RPS6KA6: variants seen among roughly 807,000 people sequenced by gnomAD.
The protein encoded by RPS6KA6 is ribosomal protein S6 kinase A6, also known as ribosomal protein S6 kinase alpha-6.
A neutral mutation model predicts 65.4 loss-of-function variants in RPS6KA6; 27 were observed. The ratio of observed to expected loss-of-function variants is 0.41; its 90% CI spans 0.30 to 0.57. RPS6KA6 has a LOEUF of 0.57. RPS6KA6 is among the 20% of genes least tolerant of loss of function. The pLI is 0.24. For synonymous variants in RPS6KA6, 190 were observed against 184.2 expected (o/e 1.03, Z -0.26); for missense variants, 486 against 555.6 (o/e 0.87, Z 1.26).
At chrX:84,173,228 C>T (rs17219298) in intron 1 of RPS6KA6, among the ~76,000 whole-genome samples, 2,541 of 111,117 alleles carry the variant, frequency 0.023, 34 homozygotes, top group Non-Finnish European at 0.034. Flanking sequence ...CTTAAAGCTC[C>T]TTGAGGAATG....
At chrX:84,181,338 A>T (rs2035851142) in intron 1 of RPS6KA6, among the ~76,000 whole-genome samples, 1 of 111,635 alleles carries the variant, frequency 9.0e-6, no homozygotes, top group Non-Finnish European at 1.9e-5. Flanking sequence ...CTATATCAAA[A>T]CTAGCTACGG....
At position 84,187,876 on chromosome X, in the gene RPS6KA6, G is replaced by T; in HGVS notation, c.24C>A (p.Asp8Glu). 8.3e-7 allele frequency: 1 copy of T among 1,201,113 alleles called. No homozygotes were observed. Among genetic ancestry groups the T allele is most frequent in the Non-Finnish European group, 1.1e-6 (1 of 890,458 alleles). Residue 8 changes from aspartate to glutamate, a missense_variant, in exon 1 of 22, where the codon GAC (aspartate) becomes GAA (glutamate). Physicochemically the swap from Asp to Glu is conservative, Grantham distance 45 (BLOSUM62 2). Transcript: ENST00000262752. ...CTTCCATTTCTCGGTCCCAGGGCTC[G>T]TCCTGAGGAGCGAATGGTAGCATCT... MLPFAPQ[D>E]EPWDREMEVF...
Position 84,059,667 on chromosome X carries a change from T to C in RPS6KA6, c.*4610A>G, listed in dbSNP as rs1002630314. On this transcript the variant is annotated 3_prime_UTR_variant, in exon 22 of 22. Transcript: ENST00000262752. Reference sequence around the variant, plus strand: ...AGTACATTCTCTATAATTGTCCACGTAAAATTAAATGCTTAATACCTTTTG... The same window carrying C: ...AGTACATTCTCTATAATTGTCCACGCAAAATTAAATGCTTAATACCTTTTG... The C allele has an allele frequency of 7.2e-5, 8 of 111,873 alleles. No individual in the cohort carries two copies. The highest frequency in any genetic ancestry group is 2.6e-4 in the African/African-American group (8 of 30,825). 9.2% of individuals were successfully genotyped at this position (111,873 alleles called of 1,213,427 possible).
intron 13 of RPS6KA6, 105 bp downstream of exon 13, chrX:84,107,518 T>G (rs1198209165): frequency 2.1e-6 from 1 of 471,284 alleles, no homozygotes; most frequent in African/African-American, 2.4e-5. Flanking sequence ...ACAAATCAAC[T>G]CTCTGCAAAT....
At chrX:84,110,191 T>G (rs1269617353) in intron 12 of RPS6KA6, among the ~76,000 whole-genome samples, 1 of 111,670 alleles carries the variant, frequency 9.0e-6, no homozygotes, top group Non-Finnish European at 1.9e-5. Context: ...CTGAGAGCCA[T>G]GAGCTCTGAG....
intron 10 of RPS6KA6, 55 bp from the exon 11 acceptor site, chrX:84,117,203 G>T (rs1438591122): frequency 5.2e-6 from 5 of 967,887 alleles, no homozygotes; most frequent in Admixed American, 5.4e-5. Flanking sequence ...TTTTTGATTT[G>T]AAAAATCTCA....
chrX:84,157,176 C>A (rs1430349969), intron 2 of RPS6KA6, among the ~76,000 whole-genome samples: 1 of 111,491 alleles, frequency 9.0e-6, no homozygotes, highest in Admixed American at 9.5e-5. Context: ...GACTTCATAG[C>A]AGCTAAAATA....
intron 2 of RPS6KA6, among the ~76,000 whole-genome samples, chrX:84,158,027 G>A (rs1482204277): frequency 1.5e-4 from 16 of 108,533 alleles, no homozygotes; most frequent in Non-Finnish European, 9.6e-5. Context: ...CACTGTGTCC[G>A]AACAACTAAT....
intron 1 of RPS6KA6, among the ~76,000 whole-genome samples, chrX:84,183,548 A>G (rs1000208123): frequency 3.6e-5 from 4 of 111,733 alleles, no homozygotes; most frequent in Non-Finnish European, 7.5e-5. Flanking sequence ...AACTGGCTTA[A>G]AAAGTCCCAT....
chrX:84,097,546 T>C (rs1036010193), intron 19 of RPS6KA6, among the ~76,000 whole-genome samples: 14 of 111,670 alleles, frequency 1.3e-4, no homozygotes, highest in Middle Eastern at 4.6e-3. Context: ...AAGTTTTAGT[T>C]CTGGGTGACA....
chrX:84,169,464 G>C lies in RPS6KA6; in HGVS notation c.82-5077C>G, dbSNP rs1053638166. Among the ~76,000 whole-genome samples, 8 of 110,699 alleles carry C rather than the reference G, an allele frequency of 7.2e-5. No individual in the cohort carries two copies. The South Asian group carries it at 3.1e-3, about 42-fold the overall frequency. On this transcript the variant is annotated intron_variant, in intron 1 of 21. Coordinates refer to ENST00000262752, the MANE Select transcript of RPS6KA6 (RefSeq NM_014496.5). ...AAATCCCTTTCAGATCCTTGGAATT[G>C]GAGGTGGTATGGGATAGTGAACATA...
At position 84,153,882 on chromosome X, in the gene RPS6KA6, T is replaced by C. The variant is rs1252290360; in HGVS notation, c.258+2193A>G. Among the ~76,000 whole-genome samples the C allele has an allele frequency of 2.7e-5, 3 of 111,637 alleles. No individual in the cohort carries two copies. The Admixed American group carries it at 2.9e-4, about 11-fold the overall frequency. On this transcript the variant is annotated intron_variant, in intron 3 of 21. Transcript: ENST00000262752. ...AAGATCACTATTTTGTACTTTAATA[T>C]TAGGAATTAAAAGGTTTCAATGATA...
At chrX:84,137,994 A>T (rs892029526) in intron 6 of RPS6KA6, among the ~76,000 whole-genome samples, 1 of 112,040 alleles carries the variant, frequency 8.9e-6, no homozygotes, top group Non-Finnish European at 1.9e-5. Context: ...TCCAATGGTC[A>T]ACAAAATATT....
chrX:84,068,894 C>T (rs951902734), intron 20 of RPS6KA6, among the ~76,000 whole-genome samples: 1 of 111,606 alleles, frequency 9.0e-6, no homozygotes, highest in African/African-American at 3.3e-5. Context: ...AGCCACAAAC[C>T]ACTGCTCAAA....
intron 8 of RPS6KA6, among the ~76,000 whole-genome samples, chrX:84,130,044 T>C (rs1203651707): frequency 9.0e-6 from 1 of 111,649 alleles, no homozygotes; most frequent in African/African-American, 3.2e-5. Flanking sequence ...GTGATGTATA[T>C]ACCCCATTTA....
At chrX:84,070,684 T>C (rs1249141479) in intron 20 of RPS6KA6, among the ~76,000 whole-genome samples, 4 of 111,465 alleles carry the variant, frequency 3.6e-5, no homozygotes, top group African/African-American at 6.5e-5. Context: ...AATAACGTAA[T>C]TGGTTGAAAC....
chrX:84,137,233 C>A (rs942043346), intron 6 of RPS6KA6, among the ~76,000 whole-genome samples: 1 of 111,393 alleles, frequency 9.0e-6, no homozygotes, highest in Non-Finnish European at 1.9e-5. Context: ...ATTTAGTGAC[C>A]TCATTTATCC....
chrX:84,123,285 GAA>G lies in RPS6KA6; in HGVS notation c.647-3260_647-3259del, dbSNP rs778525053. ...CAAATTGAGAGCTGTGGTAGCTACA[GAA>G]AAAGATTCCTTCTGTTTGAGAAAAG... is the stretch of plus-strand genomic sequence containing the variant. On this transcript the variant is annotated intron_variant, in intron 8 of 21. Coordinates refer to ENST00000262752, the MANE Select transcript of RPS6KA6 (RefSeq NM_014496.5). Among the ~76,000 whole-genome samples, 140 of 112,570 alleles carry G rather than the reference GAA, an allele frequency of 1.2e-3. No homozygotes were observed. The East Asian group carries it at 0.016, about 13-fold the overall frequency.
At chrX:84,096,917 T>G (rs2034168279) in intron 19 of RPS6KA6, among the ~76,000 whole-genome samples, 1 of 111,275 alleles carries the variant, frequency 9.0e-6, no homozygotes, top group African/African-American at 3.2e-5. Flanking sequence ...CAGTATTTAC[T>G]GTTGTCTATA....
Sources: gnomAD v4.1 joint callset for allele counts (sites outside exome capture counted in the v4.1 genomes callset) on GRCh38, gnomAD v4.1.1 for gene constraint, MANE v1.5 for transcripts, NCBI Gene and HGNC (gene_info 2026-07-23, HGNC 2026-07-21) for gene names.